CCDC83: variants seen among roughly 807,000 people sequenced by gnomAD.
The protein encoded by CCDC83 is coiled-coil domain containing 83.
In CCDC83, 54 loss-of-function variants were observed where a neutral mutation model predicts 50.1. That is an observed-to-expected ratio of 1.08 (90% CI 0.87 to 1.35). CCDC83 has a LOEUF of 1.35. CCDC83 is among the 40% of genes most tolerant of loss of function. The probability of loss-of-function intolerance (pLI) is 0.00; values close to 1 mark genes in which losing one functional copy is unlikely to be tolerated. For missense variants in CCDC83, 518 were observed against 473.9 expected (o/e 1.09, Z -0.86); for synonymous variants, 161 against 153.3 (o/e 1.05, Z -0.37).
chr11:85,912,825 C>G (rs974382759), intron 8 of CCDC83: 1 of 836,700 alleles, frequency 1.2e-6, no homozygotes, highest in South Asian at 1.4e-5. Flanking sequence ...GAAAGAGATA[C>G]CCTCTAAACT....
intron 10 of CCDC83, among the ~76,000 whole-genome samples, chr11:85,916,918 C>G (rs1367686548): frequency 2.6e-5 from 4 of 151,960 alleles, no homozygotes; most frequent in East Asian, 3.9e-4. Context: ...TGAGACCAGC[C>G]TGGCCAACAC....
chr11:85,883,928 A>T (rs1454903259), intron 4 of CCDC83, among the ~76,000 whole-genome samples: 4 of 152,218 alleles, frequency 2.6e-5, no homozygotes, highest in Non-Finnish European at 5.9e-5. Context: ...AAGTCTCTTC[A>T]TTGGCAATAG....
intron 7 of CCDC83, among the ~76,000 whole-genome samples, chr11:85,909,261 C>T (rs1415721609): frequency 6.6e-6 from 1 of 152,146 alleles, no homozygotes; most frequent in Non-Finnish European, 1.5e-5. Context: ...TTATCATCTC[C>T]TTCTAAGTAC....
intron 5 of CCDC83, 117 bp downstream of exon 5, chr11:85,886,484 A>G: frequency 1.3e-6 from 1 of 752,534 alleles, no homozygotes; most frequent in South Asian, 3.1e-5. Context: ...TGTCAGCACA[A>G]GCAGCTGTGA....
chr11:85,864,980 G>C, intron 1 of CCDC83, 116 bp from the exon 2 acceptor site: 1 of 622,258 alleles, frequency 1.6e-6, no homozygotes, highest in Non-Finnish European at 2.9e-6. Flanking sequence ...TGGGGACATG[G>C]AAGCAATCAG....
intron 4 of CCDC83, among the ~76,000 whole-genome samples, chr11:85,885,219 A>G (rs2093321233): frequency 1.3e-5 from 2 of 152,168 alleles, no homozygotes; most frequent in African/African-American, 4.8e-5. Flanking sequence ...ATCTCAAAAA[A>G]AAAAAATTAG....
In CCDC83 at chr11:85,919,489, G is replaced by A. The variant is rs751268459; in HGVS notation, c.1221G>A (p.Lys407=). The change falls in exon 11 of 11, where the codon AAG becomes AAA. Residue 407 remains lysine (K), a synonymous_variant. Coordinates refer to ENST00000342404, the MANE Select transcript of CCDC83 (RefSeq NM_001286159.2). ...GCCCAGAAAGCCACATCACATATAA[G>A]ATGATGAAGTCTTTTCTCTAAGACG... ...VRSPESHITY[K]MMKSFL 3 of 1,608,014 alleles carry A rather than the reference G, an allele frequency of 1.9e-6. No individual in the cohort carries two copies. Among genetic ancestry groups the A allele is most frequent in the African/African-American group, 1.3e-5 (1 of 74,642 alleles).
At chr11:85,891,595 TTTG>T (rs1306176028) in intron 5 of CCDC83, among the ~76,000 whole-genome samples, 1 of 152,212 alleles carries the variant, frequency 6.6e-6, no homozygotes, top group Admixed American at 6.5e-5. Context: ...TTAAAAGTTC[TTTG>T]TACACTAACA....
At chr11:85,905,438 G>T (rs1451589656) in intron 7 of CCDC83, among the ~76,000 whole-genome samples, 1 of 89,946 alleles carries the variant, frequency 1.1e-5, no homozygotes, top group Admixed American at 1.3e-4. Context: ...GTGAAACTCC[G>T]CCTCAAAAAA....
At chr11:85,916,324 AT>A in intron 10 of CCDC83, 91 bp downstream of exon 10, 3 of 950,140 alleles carry the variant, frequency 3.2e-6, no homozygotes, top group Non-Finnish European at 5.0e-6. Flanking sequence ...TAAAATATGG[AT>A]ATTGAAAATT....
chr11:85,876,320 C>CA (rs893115185), intron 3 of CCDC83, among the ~76,000 whole-genome samples: 10 of 151,508 alleles, frequency 6.6e-5, no homozygotes, highest in South Asian at 2.1e-4. Flanking sequence ...TATTGTACAC[C>CA]AAAAAAAATG....
intron 8 of CCDC83, 67 bp from the exon 9 acceptor site, chr11:85,915,352 G>A: frequency 9.2e-7 from 1 of 1,089,004 alleles, no homozygotes; most frequent in Non-Finnish European, 1.4e-6. Flanking sequence ...TAGAGAGATA[G>A]ACCCTAGTAA....
In CCDC83 at chr11:85,915,420, C is replaced by T. The variant is rs755531984; in HGVS notation, c.796C>T (p.Arg266Ter). 1.0e-5 allele frequency: 16 copies of T among 1,604,286 alleles called. No homozygotes were observed. The highest frequency in any genetic ancestry group is 5.4e-5 in the African/African-American group (4 of 74,278). ...TGTTTTTCTCATTTGTTCTTTTAGGCGACTATATCTTACCCAAGCTGCTGG... is the reference window on the plus strand; with the variant it reads ...TGTTTTTCTCATTTGTTCTTTTAGGTGACTATATCTTACCCAAGCTGCTGG... ...CRLVDLKIPR[R>*]LYLTQAAGLE... Residue 266 changes from arginine to a stop codon, truncating the protein, a stop_gained and splice_region_variant, in exon 9 of 11, where the codon CGA becomes TGA. Transcript: ENST00000342404. LOFTEE classifies it high-confidence loss of function.
intron 7 of CCDC83, among the ~76,000 whole-genome samples, chr11:85,904,920 T>C (rs1319784616): frequency 6.6e-6 from 1 of 151,850 alleles, no homozygotes; most frequent in Non-Finnish European, 1.5e-5. Context: ...TAAATTGTCA[T>C]TATTAAGTCA....
At chr11:85,873,346 T>G in intron 3 of CCDC83, 51 bp downstream of exon 3, 1 of 695,766 alleles carries the variant, frequency 1.4e-6, no homozygotes, top group Non-Finnish European at 2.3e-6. Context: ...TTTACACTCA[T>G]GCTTTAAAAA....
At chr11:85,870,344 C>G (rs1566071294) in intron 2 of CCDC83, among the ~76,000 whole-genome samples, 1 of 152,172 alleles carries the variant, frequency 6.6e-6, no homozygotes, top group Non-Finnish European at 1.5e-5. Flanking sequence ...AAGACCACAT[C>G]TTGAGATTCA....
At chr11:85,898,874 C>A (rs972739878) in intron 6 of CCDC83, 73 bp from the exon 7 acceptor site, 1 of 960,746 alleles carries the variant, frequency 1.0e-6, no homozygotes, top group Non-Finnish European at 1.7e-6. Context: ...ATCAGAATAA[C>A]TGCACATCAC....
chr11:85,900,504 A>G (rs775596335), intron 7 of CCDC83, among the ~76,000 whole-genome samples: 2 of 152,156 alleles, frequency 1.3e-5, no homozygotes, highest in Non-Finnish European at 2.9e-5. Flanking sequence ...TACAGTCTCC[A>G]GTCCACATTC....
chr11:85,892,326 T>C (rs1235478707), intron 5 of CCDC83, among the ~76,000 whole-genome samples: 1 of 152,226 alleles, frequency 6.6e-6, no homozygotes. Context: ...GACTTTTACA[T>C]GCCCCACTTT....
Sources: allele counts gnomAD v4.1 joint callset (sites outside exome capture counted in the v4.1 genomes callset), GRCh38; gene constraint gnomAD v4.1.1; transcripts MANE v1.5; gene names NCBI Gene and HGNC (gene_info 2026-07-23, HGNC 2026-07-21).